The following GTPBP10 variants were observed in gnomAD, a reference collection of about 807,000 sequenced individuals.
The protein encoded by GTPBP10 is GTP-binding protein 10.
In GTPBP10, 38 loss-of-function variants were observed where a neutral mutation model predicts 44.8. That is an observed-to-expected ratio of 0.85 (90% CI 0.65 to 1.11). The LOEUF is 1.11. Ranked by LOEUF, GTPBP10 falls within the 50% of genes most tolerant of loss-of-function variation. GTPBP10 has a pLI of 0.00. For missense variants in GTPBP10, 462 were observed against 453.7 expected, an observed-to-expected ratio of 1.02 and a Z score of -0.17; for synonymous variants, 152 against 150.6, an observed-to-expected ratio of 1.01 and a Z score of -0.07.
At chr7:90,378,781 C>T (rs1322374344) in intron 8 of GTPBP10, among the ~76,000 whole-genome samples, 2 of 152,028 alleles carry the variant, frequency 1.3e-5, no homozygotes, top group Admixed American at 6.6e-5. Context: ...ATGATCTCGG[C>T]TCTCTCTGTC....
At chr7:90,364,912 G>C (rs181727970) in intron 4 of GTPBP10, among the ~76,000 whole-genome samples, 1 of 152,168 alleles carries the variant, frequency 6.6e-6, no homozygotes, top group Non-Finnish European at 1.5e-5. Context: ...CTCCGTGAGC[G>C]TGGGACCCTC....
chr7:90,384,066 G>A (rs1184060135), intron 9 of GTPBP10, among the ~76,000 whole-genome samples: 1 of 152,138 alleles, frequency 6.6e-6, no homozygotes, highest in Non-Finnish European at 1.5e-5. Context: ...GCAGAGAAGG[G>A]AATTTTCAGA....
At chr7:90,360,773 A>G (rs1490991789) in intron 4 of GTPBP10, among the ~76,000 whole-genome samples, 1 of 152,206 alleles carries the variant, frequency 6.6e-6, no homozygotes, top group African/African-American at 2.4e-5. Context: ...ATCGATGAGC[A>G]TGGAATGTTC....
At position 90,385,434 on chromosome 7, in the gene GTPBP10, G is replaced by C. The variant is rs1279767965; in HGVS notation, c.*280G>C. ...GGCAACTGAGTTCAAGAGATCTGTT[G>C]TACAGCTTGGTGACTGTAATTAACA... On this transcript the variant is annotated 3_prime_UTR_variant, in exon 10 of 10. Coordinates refer to ENST00000222511, the MANE Select transcript of GTPBP10 (RefSeq NM_033107.4). The C allele has an allele frequency of 4.1e-6, 1 of 244,638 alleles. No homozygotes were observed. The highest frequency in any genetic ancestry group is 7.8e-6 in the Non-Finnish European group (1 of 127,506). The allele number at this position is 244,638 out of a possible 1,614,324, so 15.2% of individuals were successfully genotyped here.
rs769281652 is a variant in GTPBP10, at chr7:90,384,086, G to A, written c.902-806G>A. 3.9e-5 allele frequency among the ~76,000 whole-genome samples: 6 copies of A among 152,236 alleles called. No individual in the cohort carries two copies. The East Asian group carries it at 9.6e-4, about 24-fold the overall frequency. On this transcript the variant is annotated intron_variant, in intron 9 of 9. Coordinates refer to ENST00000222511, the MANE Select transcript of GTPBP10 (RefSeq NM_033107.4). ...GAAGGGAATTTTCAGAGGAAATACC[G>A]AAAGTGAGGGTGACTCAGGAGTCTG...
intron 4 of GTPBP10, among the ~76,000 whole-genome samples, chr7:90,368,253 T>A (rs1014043465): frequency 6.6e-6 from 1 of 152,200 alleles, no homozygotes; most frequent in African/African-American, 2.4e-5. Context: ...CTGACAATTA[T>A]GTGTCTTGCG....
At chr7:90,375,627 A>C (rs1432904726) in intron 6 of GTPBP10, among the ~76,000 whole-genome samples, 1 of 152,238 alleles carries the variant, frequency 6.6e-6, no homozygotes, top group East Asian at 1.9e-4. Flanking sequence ...AAAAGAGAAC[A>C]TCATTTATAC....
intron 4 of GTPBP10, among the ~76,000 whole-genome samples, chr7:90,359,650 T>C (rs940107040): frequency 1.3e-5 from 2 of 152,224 alleles, no homozygotes; most frequent in Non-Finnish European, 2.9e-5. Context: ...CGTTCGGGTA[T>C]GTACCCAGTA....
chr7:90,380,254 T>G (rs985278799), intron 8 of GTPBP10, among the ~76,000 whole-genome samples: 12 of 151,996 alleles, frequency 7.9e-5, no homozygotes, highest in Admixed American at 7.9e-4. Flanking sequence ...AATTTTTGTA[T>G]TTTTAGTAGA....
intron 4 of GTPBP10, among the ~76,000 whole-genome samples, chr7:90,370,111 G>T (rs1051120761): frequency 1.3e-5 from 2 of 151,852 alleles, no homozygotes; most frequent in Non-Finnish European, 2.9e-5. Flanking sequence ...GAGTGAGAAT[G>T]CAAATTAGTA....
At chr7:90,362,926 G>T (rs1343053061) in intron 4 of GTPBP10, among the ~76,000 whole-genome samples, 1 of 152,080 alleles carries the variant, frequency 6.6e-6, no homozygotes, top group Non-Finnish European at 1.5e-5. Context: ...TTGGTTTAAA[G>T]TCTGTTTTAT....
At chr7:90,354,397 T>G in intron 2 of GTPBP10, 61 bp from the exon 3 acceptor site, 1 of 609,380 alleles carries the variant, frequency 1.6e-6, no homozygotes, top group Middle Eastern at 4.2e-4. Flanking sequence ...TTTGTGTGTA[T>G]GTGTGTGTGT....
At position 90,352,862 on chromosome 7, in the gene GTPBP10, C is replaced by G. The variant is rs1230246488; in HGVS notation, c.80C>G (p.Ser27Cys). The G allele has an allele frequency of 2.5e-6, 4 of 1,613,102 alleles. No individual in the cohort carries two copies. The highest frequency in any genetic ancestry group is 3.4e-6 in the Non-Finnish European group (4 of 1,179,658). The part of the protein sequence containing the change: ...DKLRLFTRGG[S>C]GGMGYPRLGG... Reference sequence around the variant, plus strand: ...CTAAGACTCTTCACCAGGGGAGGATCCGGTGGAATGGGTTATCCTCGTTTA... The same window carrying G: ...CTAAGACTCTTCACCAGGGGAGGATGCGGTGGAATGGGTTATCCTCGTTTA... Residue 27 changes from serine (S) to cysteine (C), a missense_variant, in exon 2 of 10, where the codon TCC (serine) becomes TGC (cysteine). By Grantham distance (112) the Ser-to-Cys change is moderately radical. Transcript: ENST00000222511.
Position 90,386,075 on chromosome 7 carries a change from GC to G in GTPBP10, c.*922del, listed in dbSNP as rs1236247415. On this transcript the variant is annotated 3_prime_UTR_variant, in exon 10 of 10. Transcript: ENST00000222511. ...GACTCCATCTCAAAAAAAAAAAAGA[GC>G]TAAAAAATTACATTTTACAAGTTTA... 1 of 151,586 alleles carries G rather than the reference GC, an allele frequency of 6.6e-6. No individual in the cohort carries two copies. Among genetic ancestry groups the G allele is most frequent in the Non-Finnish European group, 1.5e-5 (1 of 67,856 alleles). 9.4% of individuals were successfully genotyped at this position (151,586 alleles called of 1,614,324 possible).
intron 8 of GTPBP10, among the ~76,000 whole-genome samples, chr7:90,382,228 T>G (rs1046237955): frequency 1.3e-5 from 2 of 152,158 alleles, no homozygotes; most frequent in Non-Finnish European, 2.9e-5. Context: ...AACTCAAAAT[T>G]TTTAATTTTC....
intron 4 of GTPBP10, among the ~76,000 whole-genome samples, chr7:90,365,639 G>A (rs551407253): frequency 1.3e-5 from 2 of 152,212 alleles, no homozygotes; most frequent in African/African-American, 2.4e-5. Context: ...GCCTCCCAAA[G>A]TGCTGGGATT....
At chr7:90,353,817 T>A (rs79530544) in intron 2 of GTPBP10, among the ~76,000 whole-genome samples, 1 of 135,758 alleles carries the variant, frequency 7.4e-6, no homozygotes, top group Non-Finnish European at 1.5e-5. Flanking sequence ...CTTTTTTTTT[T>A]TATAGATTCA....
intron 1 of GTPBP10, among the ~76,000 whole-genome samples, chr7:90,351,262 G>A (rs1795786117): frequency 6.6e-6 from 1 of 152,162 alleles, no homozygotes; most frequent in Admixed American, 6.5e-5. Flanking sequence ...GTGTGTGTAA[G>A]TTTTGATAAA....
intron 1 of GTPBP10, among the ~76,000 whole-genome samples, chr7:90,350,457 A>G (rs890675675): frequency 5.3e-5 from 3 of 56,514 alleles, no homozygotes; most frequent in Non-Finnish European, 9.4e-5. Flanking sequence ...TTCTAGTTCT[A>G]GATTCTTGAG....
Sources: allele counts gnomAD v4.1 joint callset (sites outside exome capture counted in the v4.1 genomes callset), GRCh38; gene constraint gnomAD v4.1.1; transcripts MANE v1.5; gene names NCBI Gene and HGNC (gene_info 2026-07-23, HGNC 2026-07-21).